The following RAB3GAP1 variants were observed in gnomAD, a reference collection of about 807,000 sequenced individuals.
RAB3GAP1 encodes the protein rab3 GTPase-activating protein catalytic subunit.
Under a neutral mutation model 130.7 loss-of-function variants are expected in RAB3GAP1, and 86 were observed. The ratio of observed to expected loss-of-function variants is 0.66; its 90% confidence interval spans 0.55 to 0.79. RAB3GAP1 has a LOEUF of 0.79. RAB3GAP1 is among the 30% of genes least tolerant of loss of function. The pLI, the probability that RAB3GAP1 is intolerant of heterozygous loss-of-function variation, is 0.00. For missense variants in RAB3GAP1, 1,029 were observed against 1,169.4 expected, an observed-to-expected ratio of 0.88 and a Z score of 1.75; for synonymous variants, 367 against 401.7, an observed-to-expected ratio of 0.91 and a Z score of 1.03.
Position 135,081,660 on chromosome 2 carries a change from C to G in RAB3GAP1, c.151-9338C>G, listed in dbSNP as rs1242106500. Among the ~76,000 whole-genome samples, 5 of 151,860 alleles carry G rather than the reference C, an allele frequency of 3.3e-5. No homozygotes were observed. The East Asian group carries it at 9.7e-4, about 29-fold the overall frequency. On this transcript the variant is annotated intron_variant, in intron 3 of 23. Transcript: ENST00000264158. ...AAAGCTGCTTGAAAAATGTATGGTT[C>G]TAGGGTTACTTGTGACTAAAGAAAC... is the stretch of plus-strand genomic sequence containing the variant.
intron 8 of RAB3GAP1, among the ~76,000 whole-genome samples, chr2:135,122,638 T>G (rs1691237749): frequency 6.6e-6 from 1 of 152,236 alleles, no homozygotes; most frequent in South Asian, 2.1e-4. Flanking sequence ...ATAATATGGA[T>G]GAGATACTGT....
At chr2:135,144,165 G>A (rs950626519) in intron 17 of RAB3GAP1, among the ~76,000 whole-genome samples, 1 of 152,186 alleles carries the variant, frequency 6.6e-6, no homozygotes, top group South Asian at 2.1e-4. Context: ...GTTACAGCTT[G>A]TACCCACATT....
intron 7 of RAB3GAP1, among the ~76,000 whole-genome samples, chr2:135,117,483 G>GCTTCTT (rs1367442367): frequency 1.4e-4 from 4 of 27,840 alleles, no homozygotes; most frequent in Admixed American, 3.6e-4. Context: ...TGCTTCTTCT[G>GCTTCTT]CTTCTTCTTC....
In RAB3GAP1 at chr2:135,135,621, G is replaced by C. The variant is rs886044622; in HGVS notation, c.1612G>C (p.Ala538Pro). ...KARDEGKKTS[A>P]SDVTNIYPGD... ...ACGTGATGAGGGGAAAAAGACAAGTGCTTCAGATGTCACTAATATATATCC... is the reference window on the plus strand; with the variant it reads ...ACGTGATGAGGGGAAAAAGACAAGTCCTTCAGATGTCACTAATATATATCC... Residue 538 changes from alanine to proline, a missense_variant, in exon 17 of 24, where the codon GCT (alanine) becomes CCT (proline). By Grantham distance (27) the Ala-to-Pro change is conservative. Coordinates refer to ENST00000264158, the MANE Select transcript of RAB3GAP1 (RefSeq NM_012233.3). 6.2e-7 allele frequency: 1 copy of C among 1,611,134 alleles called. No individual in the cohort carries two copies. The highest frequency in any genetic ancestry group is 8.5e-7 in the Non-Finnish European group (1 of 1,178,828).
chr2:135,142,704 T>A (rs945328028), intron 17 of RAB3GAP1, among the ~76,000 whole-genome samples: 8 of 152,156 alleles, frequency 5.3e-5, no homozygotes, highest in Non-Finnish European at 1.2e-4. Flanking sequence ...GTTTTTTTTT[T>A]AATCATGAAC....
rs190973924 is a variant in RAB3GAP1 at position 135,120,245 on chromosome 2, G to A, written c.649-574G>A. Among the ~76,000 whole-genome samples the A allele has an allele frequency of 3.0e-4, 45 of 152,210 alleles. No homozygotes were observed. In the East Asian group the frequency reaches 7.9e-3, roughly 27 times the overall value. ...AAAATAGTAAAAGATACTTTAAAGA[G>A]CATTTTGCTTAATAGAATGTAATAT... On this transcript the variant is annotated intron_variant, in intron 7 of 23. Transcript: ENST00000264158.
At chr2:135,080,631 G>C in intron 3 of RAB3GAP1, among the ~76,000 whole-genome samples, 1 of 152,132 alleles carries the variant, frequency 6.6e-6, no homozygotes, top group East Asian at 1.9e-4. Context: ...TTTTCCCTGA[G>C]GATTTCTTAT....
At chr2:135,091,347 A>G (rs1338856170) in intron 4 of RAB3GAP1, among the ~76,000 whole-genome samples, 1 of 152,154 alleles carries the variant, frequency 6.6e-6, no homozygotes, top group Admixed American at 6.5e-5. Context: ...CCTAACATGT[A>G]CCAGATACTC....
Position 135,090,992 on chromosome 2 carries a change from A to G in RAB3GAP1, c.151-6A>G. ...AAATATTTTGCCATTTTATTGGTACATATAGGGTATATTTACTTCTGGCAC... is the reference window on the plus strand; with the variant it reads ...AAATATTTTGCCATTTTATTGGTACGTATAGGGTATATTTACTTCTGGCAC... On this transcript the variant is annotated splice_polypyrimidine_tract_variant and splice_region_variant and intron_variant, in intron 3 of 23. Transcript: ENST00000264158. 6.2e-7 allele frequency: 1 copy of G among 1,611,134 alleles called. No individual in the cohort carries two copies. The highest frequency in any genetic ancestry group is 1.3e-5 in the African/African-American group (1 of 74,970).
chr2:135,058,212 C>A, intron 3 of RAB3GAP1, 126 bp downstream of exon 3: 1 of 775,652 alleles, frequency 1.3e-6, no homozygotes, highest in Non-Finnish European at 2.2e-6. Context: ...CTATAAACAT[C>A]AAATAGCATT....
At chr2:135,150,534 TC>T (rs1692145557) in intron 18 of RAB3GAP1, 28 bp downstream of exon 18, 6 of 1,613,134 alleles carry the variant, frequency 3.7e-6, no homozygotes, top group Non-Finnish European at 5.1e-6. Flanking sequence ...AGCTCTGGGG[TC>T]TATTTTGAGC....
intron 17 of RAB3GAP1, among the ~76,000 whole-genome samples, chr2:135,149,473 A>G (rs1692103516): frequency 1.3e-5 from 2 of 152,228 alleles, no homozygotes; most frequent in Non-Finnish European, 2.9e-5. Flanking sequence ...AGCACATAGC[A>G]TATAGTTTCT....
chr2:135,108,705 G>A (rs1396070438), intron 5 of RAB3GAP1, among the ~76,000 whole-genome samples: 7 of 152,050 alleles, frequency 4.6e-5, no homozygotes, highest in South Asian at 2.1e-4. Context: ...GAAGTCTAGC[G>A]TATCAGTTTG....
intron 10 of RAB3GAP1, 125 bp from the exon 11 acceptor site, chr2:135,126,454 GAGTA>G (rs760348821): frequency 5.2e-5 from 52 of 994,244 alleles, no homozygotes; most frequent in Non-Finnish European, 7.6e-5. Flanking sequence ...ATCTGGATAA[GAGTA>G]AGTTTAAGGG....
chr2:135,166,561 C>G (rs1474304879), intron 23 of RAB3GAP1, among the ~76,000 whole-genome samples: 2 of 152,072 alleles, frequency 1.3e-5, no homozygotes, highest in African/African-American at 4.8e-5. Flanking sequence ...GTTGCCCAGG[C>G]TTATCTAGAA....
At chr2:135,163,612 T>C (rs1478475962) in intron 22 of RAB3GAP1, among the ~76,000 whole-genome samples, 4 of 152,220 alleles carry the variant, frequency 2.6e-5, no homozygotes, top group Admixed American at 2.6e-4. Flanking sequence ...AGCAAATGAT[T>C]GGGGCATTCT....
chr2:135,102,582 G>T (rs1690476883), intron 5 of RAB3GAP1, among the ~76,000 whole-genome samples: 1 of 152,180 alleles, frequency 6.6e-6, no homozygotes, highest in Non-Finnish European at 1.5e-5. Flanking sequence ...GACACATTTT[G>T]TCCCCATGGC....
At chr2:135,163,549 T>C (rs995509050) in intron 22 of RAB3GAP1, among the ~76,000 whole-genome samples, 3 of 152,260 alleles carry the variant, frequency 2.0e-5, no homozygotes, top group Non-Finnish European at 4.4e-5. Flanking sequence ...GCACATCCTA[T>C]GTGCCTTGCG....
intron 5 of RAB3GAP1, among the ~76,000 whole-genome samples, chr2:135,108,840 C>T (rs1366509624): frequency 3.3e-5 from 5 of 152,048 alleles, no homozygotes; most frequent in African/African-American, 1.2e-4. Flanking sequence ...GGTCTGTAAT[C>T]CATTTTAAGT....
Sources: allele counts gnomAD v4.1 joint callset (sites outside exome capture counted in the v4.1 genomes callset), GRCh38; gene constraint gnomAD v4.1.1; transcripts MANE v1.5; gene names NCBI Gene and HGNC (gene_info 2026-07-23, HGNC 2026-07-21).